Variants in UBA1 observed in about 807,000 individuals in gnomAD.
UBA1 encodes the protein ubiquitin-like modifier-activating enzyme 1.
In UBA1, 4 loss-of-function variants were observed where a neutral mutation model predicts 84.7. The observed-to-expected ratio is 0.05, with a 90% CI of 0.02 to 0.11. The LOEUF (loss-of-function observed/expected upper bound fraction) is 0.11. UBA1 is among the 10% of genes least tolerant of loss of function. The pLI, the probability that UBA1 is intolerant of heterozygous loss-of-function variation, is 1.00. For missense variants in UBA1, 513 were observed against 902.8 expected (o/e 0.57, Z 5.53); for synonymous variants, 364 against 362.6 (o/e 1.00, Z -0.04).
At position 47,199,394 on chromosome X, in the gene UBA1, C is replaced by T. The variant is rs1936319027; in HGVS notation, c.345+17C>T. ...TCCTCCCAGGTACCTCTTCCTAGCA[C>T]CCTTCCCCCTTTCCCCCTTCCCGAG... On this transcript the variant is annotated intron_variant, in intron 4 of 25. Coordinates refer to ENST00000335972, the MANE Select transcript of UBA1 (RefSeq NM_003334.4). The T allele has an allele frequency of 1.7e-6, 2 of 1,210,618 alleles. No homozygotes were observed. Among genetic ancestry groups the T allele is most frequent in the African/African-American group, 1.7e-5 (1 of 57,344 alleles).
chrX:47,203,058 G>A lies in UBA1; in HGVS notation c.1338+11G>A, dbSNP rs1936481110. ...GACAAGTGCCTCCAGGTATGTGGGT[G>A]GGACCTGTGGGGAGGGCATCATTGG... On this transcript the variant is annotated intron_variant, in intron 12 of 25. Coordinates refer to ENST00000335972, the MANE Select transcript of UBA1 (RefSeq NM_003334.4). The A allele has an allele frequency of 8.3e-7, 1 of 1,202,359 alleles. No individual in the cohort carries two copies. The highest frequency in any genetic ancestry group is 1.8e-5 in the South Asian group (1 of 56,642).
chrX:47,203,181 G>A lies in UBA1; in HGVS notation c.1386G>A (p.Leu462=), dbSNP rs1292694440. The A allele has an allele frequency of 8.3e-7, 1 of 1,210,593 alleles. No individual in the cohort carries two copies. Among genetic ancestry groups the A allele is most frequent in the Non-Finnish European group, 1.1e-6 (1 of 895,322 alleles). Residue 462 remains leucine (L), a synonymous_variant, in exon 13 of 26, where the codon CTG becomes CTA. Coordinates refer to ENST00000335972, the MANE Select transcript of UBA1 (RefSeq NM_003334.4). ...AAGTGGCTGTGTTTGGCTCAGACCT[G>A]CAAGAGAAGCTGGGCAAGCAGAAGT... ...DGQVAVFGSD[L]QEKLGKQKYF...
At chrX:47,210,241 C>A in intron 18 of UBA1, 118 bp downstream of exon 18, 3 of 838,972 alleles carry the variant, frequency 3.6e-6, no homozygotes. Flanking sequence ...GCATGGGGAT[C>A]TGAGAAGAGT....
Position 47,203,575 on chromosome X carries a change from A to T in UBA1, c.1454A>T (p.Lys485Met). 8.3e-7 allele frequency: 1 copy of T among 1,210,891 alleles called. No individual in the cohort carries two copies. Among genetic ancestry groups the T allele is most frequent in the Non-Finnish European group, 1.1e-6 (1 of 895,286 alleles). ...GGGGCCATTGGCTGTGAGCTGCTCA[A>T]GAACTTTGCCATGATTGGGCTGGGC... ...GAGAIGCELL[K>M]NFAMIGLGCG... Residue 485 changes from lysine (K) to methionine (M), a missense_variant, in exon 14 of 26, where the codon AAG becomes ATG. Around this residue, in one of 6 missense-constraint regions of UBA1, gnomAD observed 55 missense variants for 104.8 expected, o/e 0.52. Coordinates refer to ENST00000335972, the MANE Select transcript of UBA1 (RefSeq NM_003334.4).
At chrX:47,198,417 A>T in intron 1 of UBA1, 1 of 619,178 alleles carries the variant, frequency 1.6e-6, no homozygotes, top group Non-Finnish European at 2.3e-6. Context: ...GCGGTTAATT[A>T]TTACTGTTAG....
intron 23 of UBA1, among the ~76,000 whole-genome samples, chrX:47,213,856 G>T (rs1439875506): frequency 9.4e-6 from 1 of 106,371 alleles, no homozygotes; most frequent in Non-Finnish European, 1.9e-5. Flanking sequence ...GACAGAGCGA[G>T]ACTGCATCTC....
Position 47,202,496 on chromosome X carries a change from C to A in UBA1, c.1048C>A (p.Arg350Ser). The change falls in exon 10 of 26, where the codon CGC (arginine) becomes AGC (serine). Residue 350 changes from arginine (R) to serine (S), a missense_variant. Coordinates refer to ENST00000335972, the MANE Select transcript of UBA1 (RefSeq NM_003334.4). ...TCAGCATGGCCGGCCACCTCGGCCC[C>A]GCAATGAGGTGGGTGAGTGGGCGAG... ...CAQHGRPPRP[R>S]NEEDAAELVA... 1 of 1,201,356 alleles carries A rather than the reference C, an allele frequency of 8.3e-7. No homozygotes were observed. The highest frequency in any genetic ancestry group is 3.0e-5 in the East Asian group (1 of 33,131).
intron 19 of UBA1, 53 bp from the exon 20 acceptor site, chrX:47,210,983 C>T (rs782805076): frequency 3.5e-5 from 42 of 1,206,242 alleles, no homozygotes; most frequent in Non-Finnish European, 4.5e-5. Flanking sequence ...GAGGTGGCGG[C>T]TCCCCACTCG....
chrX:47,205,617 C>T (rs1192575322), intron 14 of UBA1: 1 of 363,320 alleles, frequency 2.8e-6, no homozygotes, highest in Non-Finnish European at 5.3e-6. Context: ...AATCCCAGCT[C>T]TTTGTGGGGC....
chrX:47,210,844 C>A lies in UBA1; in HGVS notation c.2202C>A (p.Leu734=), dbSNP rs1556793129. Residue 734 remains leucine (L), a splice_region_variant and synonymous_variant, in exon 19 of 26, where the codon CTC becomes CTA. Transcript: ENST00000335972. The part of the protein sequence containing the change: ...QLLHNFPPDQ[L]TSSGAPFWSG... ...TCAAAAATCTCTCCATCCCTTAGCT[C>A]ACAAGCTCAGGAGCGCCGTTCTGGT... The A allele has an allele frequency of 1.7e-6, 2 of 1,208,649 alleles. No individual in the cohort carries two copies. Among genetic ancestry groups the A allele is most frequent in the African/African-American group, 3.5e-5 (2 of 57,021 alleles).
At chrX:47,199,166 G>T (rs782484497) in intron 3 of UBA1, 43 bp from the exon 4 acceptor site, 29 of 1,210,915 alleles carry the variant, frequency 2.4e-5, no homozygotes, top group Non-Finnish European at 3.0e-5. Context: ...GGATAAGGTT[G>T]GGTGGGGCAG....
chrX:47,195,962 C>A (rs1226481110), intron 1 of UBA1, among the ~76,000 whole-genome samples: 1 of 110,924 alleles, frequency 9.0e-6, no homozygotes, highest in Non-Finnish European at 1.9e-5. Flanking sequence ...AGAGCCTCAA[C>A]ATCCTCCTGA....
At chrX:47,211,559 T>C (rs1028367674) in intron 20 of UBA1, among the ~76,000 whole-genome samples, 30 of 111,158 alleles carry the variant, frequency 2.7e-4, no homozygotes, top group Non-Finnish European at 5.1e-4. Flanking sequence ...CTCTCTCCCT[T>C]GATACTTTCC....
intron 14 of UBA1, 41 bp downstream of exon 14, chrX:47,203,737 C>T (rs1556789459): frequency 4.5e-6 from 5 of 1,118,822 alleles, no homozygotes; most frequent in Admixed American, 3.0e-5. Context: ...GTCTCACTTT[C>T]CTCCTTTTTC....
Position 47,199,196 on chromosome X carries a change from C to G in UBA1, c.177-13C>G, listed in dbSNP as rs202129132. ...GGGCAGGCCCTGACCTAGAGTACCC[C>G]CTAACCTGGCAGGTATGTGTTGGGC... On this transcript the variant is annotated splice_polypyrimidine_tract_variant and intron_variant, in intron 3 of 25. Coordinates refer to ENST00000335972, the MANE Select transcript of UBA1 (RefSeq NM_003334.4). 2 of 1,212,134 alleles carry G rather than the reference C, an allele frequency of 1.6e-6. No individual in the cohort carries two copies. Among genetic ancestry groups the G allele is most frequent in the Non-Finnish European group, 2.2e-6 (2 of 895,570 alleles).
chrX:47,197,686 G>A (rs1411834524), intron 1 of UBA1: 3 of 700,705 alleles, frequency 4.3e-6, no homozygotes, highest in Non-Finnish European at 1.7e-6. Context: ...TCATTTGTCC[G>A]GCAAGGACAC....
rs1031022180 is a variant in UBA1, at chrX:47,199,732, G to A, written c.480+118G>A. 4.5e-6 allele frequency: 4 copies of A among 897,388 alleles called. No homozygotes were observed. The South Asian group carries it at 8.0e-5, about 18-fold the overall frequency. 74.0% of individuals were successfully genotyped at this position (897,388 alleles called of 1,213,427 possible). A position where few individuals can be genotyped will look rare whatever the true frequency, so the allele number is the denominator to read the frequency against. ...GGCCTGAATGTCAGGTTTTGTGCTG[G>A]GGGACTAGAGTATGCAGGCAGCAGT... On this transcript the variant is annotated intron_variant, in intron 5 of 25. Transcript: ENST00000335972.
intron 16 of UBA1, among the ~76,000 whole-genome samples, chrX:47,207,806 T>C (rs781889145): frequency 8.9e-6 from 1 of 112,322 alleles, no homozygotes; most frequent in East Asian, 2.8e-4. Context: ...AACCTCTCTG[T>C]GCCGCAGATT....
intron 16 of UBA1, among the ~76,000 whole-genome samples, chrX:47,207,504 A>G (rs1180774184): frequency 8.9e-6 from 1 of 112,334 alleles, no homozygotes; most frequent in East Asian, 2.8e-4. Flanking sequence ...CAGGTTAGAC[A>G]AGCTTGATCT....
Sources: allele counts gnomAD v4.1 joint callset (sites outside exome capture counted in the v4.1 genomes callset), GRCh38; gene constraint gnomAD v4.1.1; regional missense constraint gnomAD v4.1.1; transcripts MANE v1.5; gene names NCBI Gene and HGNC (gene_info 2026-07-23, HGNC 2026-07-21).